WDR41: variants seen among roughly 807,000 people sequenced by gnomAD.
WDR41 encodes WD repeat-containing protein 41.
In WDR41, 63 loss-of-function variants were observed where a neutral mutation model predicts 69.3. The observed-to-expected ratio is 0.91, with a 90% confidence interval of 0.74 to 1.12. WDR41 has a LOEUF of 1.12. Among genes scored for constraint, WDR41 ranks in the 50% most tolerant of loss-of-function variants. WDR41 has a pLI of 0.00. For synonymous variants in WDR41, 185 were observed against 192.1 expected, an observed-to-expected ratio of 0.96 and a Z score of 0.31; for missense variants, 543 against 534.5, an observed-to-expected ratio of 1.02 and a Z score of -0.16.
intron 2 of WDR41, chr5:77,480,070 A>G (rs1450904443): frequency 1.3e-5 from 2 of 151,692 alleles, no homozygotes; most frequent in Non-Finnish European, 3.0e-5. Context: ...AACACATGAA[A>G]AAATGCTCAC....
intron 1 of WDR41, among the ~76,000 whole-genome samples, chr5:77,599,259 G>A (rs1744283472): frequency 7.3e-6 from 1 of 136,184 alleles, no homozygotes; most frequent in African/African-American, 2.7e-5. Flanking sequence ...GGAATACAGT[G>A]GTACTATCTC....
chr5:77,474,141 T>C (rs1373404935), intron 2 of WDR41, among the ~76,000 whole-genome samples: 5 of 152,128 alleles, frequency 3.3e-5, no homozygotes, highest in Admixed American at 1.3e-4. Flanking sequence ...TGTAGGGACA[T>C]GGATGAAGCT....
chr5:77,566,436 G>A (rs1469741679), intron 1 of WDR41, among the ~76,000 whole-genome samples: 1 of 152,040 alleles, frequency 6.6e-6, no homozygotes, highest in African/African-American at 2.4e-5. Flanking sequence ...TTGCAGCGAT[G>A]AGTACCTAAA....
chr5:77,611,674 C>A (rs1274161851), intron 1 of WDR41, among the ~76,000 whole-genome samples: 2 of 152,004 alleles, frequency 1.3e-5, no homozygotes. Context: ...CACTAAATGC[C>A]CAGAAGAGAA....
chr5:77,491,450 A>G (rs752680978), intron 1 of WDR41, among the ~76,000 whole-genome samples: 2 of 152,198 alleles, frequency 1.3e-5, no homozygotes, highest in African/African-American at 2.4e-5. Context: ...GACGCGCATG[A>G]AAGTTCTTGT....
upstream of WDR41, among the ~76,000 whole-genome samples, chr5:77,493,583 A>G (rs991356324): frequency 2.6e-5 from 4 of 152,204 alleles, no homozygotes; most frequent in Non-Finnish European, 5.9e-5. Flanking sequence ...GCACTCGGCA[A>G]GAACACACTC....
rs539813181 is a variant in WDR41, at chr5:77,518,605, G to A, written c.43-29033C>T. Among the ~76,000 whole-genome samples, 7 of 151,974 alleles carry A rather than the reference G, an allele frequency of 4.6e-5. No individual in the cohort carries two copies. The South Asian group carries it at 8.3e-4, about 18-fold the overall frequency. On this transcript the variant is annotated intron_variant, in intron 1 of 5. Coordinates refer to the WDR41 transcript ENST00000509971. ...AGAATCCACTTTAACAAGAAATTCC[G>A]CTTACTCCAATGATAAATGTGAATA...
At chr5:77,597,449 T>C (rs2112318076) in intron 1 of WDR41, among the ~76,000 whole-genome samples, 1 of 152,366 alleles carries the variant, frequency 6.6e-6, no homozygotes, top group African/African-American at 2.4e-5. Context: ...GATCTGAGTT[T>C]GGCCCTCAGT....
intron 1 of WDR41, among the ~76,000 whole-genome samples, chr5:77,541,534 C>T (rs1743089016): frequency 6.8e-6 from 1 of 147,174 alleles, no homozygotes; most frequent in Non-Finnish European, 1.5e-5. Context: ...GCTCTGTTGC[C>T]CAGGCTAGAG....
chr5:77,590,028 G>A (rs1744108681), intron 1 of WDR41, among the ~76,000 whole-genome samples: 1 of 152,094 alleles, frequency 6.6e-6, no homozygotes, highest in Non-Finnish European at 1.5e-5. Context: ...TCATAAAAAT[G>A]TGTTGATTTT....
chr5:77,595,532 T>G (rs918591134), intron 1 of WDR41, among the ~76,000 whole-genome samples: 1 of 152,214 alleles, frequency 6.6e-6, no homozygotes, highest in African/African-American at 2.4e-5. Flanking sequence ...TTGATTTACT[T>G]TGTTTATTGG....
At chr5:77,454,027 C>A in intron 5 of WDR41, 99 bp from the exon 6 acceptor site, 1 of 858,952 alleles carries the variant, frequency 1.2e-6, no homozygotes. Flanking sequence ...CCCCTTCCTT[C>A]ACTAGGTGGA....
chr5:77,452,591 A>G (rs1799669388), intron 6 of WDR41: 1 of 152,204 alleles, frequency 6.6e-6, no homozygotes, highest in Non-Finnish European at 1.5e-5. Flanking sequence ...ACATCATGAC[A>G]TAAGGATCTA....
At chr5:77,610,519 G>T (rs1381232293) in intron 1 of WDR41, among the ~76,000 whole-genome samples, 3 of 151,934 alleles carry the variant, frequency 2.0e-5, no homozygotes, top group South Asian at 2.1e-4. Flanking sequence ...TTAAAGAAAA[G>T]AATTTTCAAC....
chr5:77,466,418 G>A (rs1484303088), intron 2 of WDR41, among the ~76,000 whole-genome samples: 1 of 151,620 alleles, frequency 6.6e-6, no homozygotes, highest in Admixed American at 6.6e-5. Flanking sequence ...TGGTGGGGAG[G>A]GCAGGACTCA....
At chr5:77,590,820 A>C (rs549581386) in intron 1 of WDR41, among the ~76,000 whole-genome samples, 1 of 152,072 alleles carries the variant, frequency 6.6e-6, no homozygotes, top group Non-Finnish European at 1.5e-5. Flanking sequence ...ATTGGCTTGT[A>C]TTTTTCCTTT....
chr5:77,490,535 A>G (rs1801727425), intron 1 of WDR41, among the ~76,000 whole-genome samples: 1 of 152,156 alleles, frequency 6.6e-6, no homozygotes, highest in Non-Finnish European at 1.5e-5. Flanking sequence ...CAGTTATACA[A>G]CTCAATTAGA....
intron 1 of WDR41, among the ~76,000 whole-genome samples, chr5:77,615,705 A>T (rs1744668885): frequency 6.6e-6 from 1 of 150,380 alleles, no homozygotes. Flanking sequence ...AAAAAAAAAA[A>T]AAGGCCAGGT....
chr5:77,538,427 C>A (rs886351133), intron 1 of WDR41, among the ~76,000 whole-genome samples: 12 of 152,116 alleles, frequency 7.9e-5, no homozygotes, highest in Non-Finnish European at 1.5e-4. Context: ...AAATGGGTAG[C>A]ATTTCATTTC....
Sources: gnomAD v4.1 joint callset for allele counts (sites outside exome capture counted in the v4.1 genomes callset) on GRCh38, gnomAD v4.1.1 for gene constraint, MANE v1.5 for transcripts, NCBI Gene and HGNC (gene_info 2026-07-23, HGNC 2026-07-21) for gene names.